Variants in SUGCT observed in about 807,000 individuals in gnomAD.
SUGCT encodes the protein succinyl-CoA:glutarate CoA-transferase.
A neutral mutation model predicts 55.0 loss-of-function variants in SUGCT; 41 were observed. That is an observed-to-expected ratio of 0.74 (90% CI 0.58 to 0.97). The LOEUF is 0.97. Among genes scored for constraint, SUGCT ranks in the 50% least tolerant of loss-of-function variants. SUGCT has a pLI of 0.00. For missense variants in SUGCT, 568 were observed against 547.8 expected (o/e 1.04, Z -0.37); for synonymous variants, 187 against 200.4 (o/e 0.93, Z 0.56).
intron 13 of SUGCT, among the ~76,000 whole-genome samples, chr7:40,788,466 C>T (rs1267999378): frequency 6.6e-6 from 1 of 152,142 alleles, no homozygotes; most frequent in East Asian, 1.9e-4. Flanking sequence ...ATAAAAGCTT[C>T]AAAAGCAGTT....
intron 12 of SUGCT, among the ~76,000 whole-genome samples, chr7:40,534,508 C>A (rs765501271): frequency 1.1e-4 from 16 of 152,130 alleles, no homozygotes; most frequent in African/African-American, 3.9e-4. Context: ...CTCAGCCTCA[C>A]GAGTAGCTGG....
intron 1 of SUGCT, among the ~76,000 whole-genome samples, chr7:40,179,282 T>C (rs1213076219): frequency 6.6e-6 from 1 of 152,124 alleles, no homozygotes; most frequent in Non-Finnish European, 1.5e-5. Context: ...TGTGGGTTGA[T>C]TGGGCAATTC....
intron 12 of SUGCT, among the ~76,000 whole-genome samples, chr7:40,513,858 C>T (rs541714209): frequency 1.7e-4 from 24 of 141,252 alleles, no homozygotes; most frequent in Middle Eastern, 4.5e-3. Context: ...GGCGCGATCT[C>T]GGCTCACTGC....
intron 9 of SUGCT, among the ~76,000 whole-genome samples, chr7:40,352,247 TTGTG>T (rs1163093942): frequency 1.3e-5 from 2 of 152,180 alleles, no homozygotes; most frequent in East Asian, 3.8e-4. Flanking sequence ...ATTTGTGTGT[TTGTG>T]TGTGTATATT....
At chr7:40,476,038 C>G (rs557606556) in intron 11 of SUGCT, among the ~76,000 whole-genome samples, 3 of 152,166 alleles carry the variant, frequency 2.0e-5, no homozygotes, top group African/African-American at 7.2e-5. Flanking sequence ...CGTACTGTCT[C>G]AGTTCTAATC....
chr7:40,721,810 C>T (rs1413115683), intron 12 of SUGCT, among the ~76,000 whole-genome samples: 2 of 152,180 alleles, frequency 1.3e-5, no homozygotes, highest in Non-Finnish European at 2.9e-5. Context: ...TCTGTTTATG[C>T]ATATGTGTAC....
intron 9 of SUGCT, among the ~76,000 whole-genome samples, chr7:40,440,035 T>A (rs1788418231): frequency 6.6e-6 from 1 of 151,886 alleles, no homozygotes; most frequent in Non-Finnish European, 1.5e-5. Flanking sequence ...TTAACTCCCT[T>A]TTTTTCCTAC....
intron 12 of SUGCT, chr7:40,538,350 A>G (rs1020213008): frequency 6.6e-6 from 1 of 152,220 alleles, no homozygotes; most frequent in Non-Finnish European, 1.5e-5. Flanking sequence ...AATAGGAAAT[A>G]AATGTCCTGG....
At chr7:40,209,450 C>A (rs2150787770) in intron 6 of SUGCT, among the ~76,000 whole-genome samples, 2 of 152,066 alleles carry the variant, frequency 1.3e-5, no homozygotes, top group Middle Eastern at 6.8e-3. Flanking sequence ...GAGCCCAGAT[C>A]TCGTCATTGC....
chr7:40,726,276 T>C (rs1263737117), intron 12 of SUGCT, among the ~76,000 whole-genome samples: 1 of 152,096 alleles, frequency 6.6e-6, no homozygotes, highest in East Asian at 1.9e-4. Context: ...ATGTATTATA[T>C]ACTGTATTCT....
intron 12 of SUGCT, among the ~76,000 whole-genome samples, chr7:40,533,639 A>G (rs1794206612): frequency 6.6e-6 from 1 of 152,160 alleles, no homozygotes; most frequent in Non-Finnish European, 1.5e-5. Flanking sequence ...ATAACTTAGC[A>G]TATAACCAAA....
intron 12 of SUGCT, among the ~76,000 whole-genome samples, chr7:40,530,569 A>T (rs1562840821): frequency 1.3e-5 from 2 of 152,200 alleles, no homozygotes; most frequent in Non-Finnish European, 2.9e-5. Flanking sequence ...CTAACTTAAT[A>T]CAAACAAGAT....
At chr7:40,443,408 C>T (rs1788627376) in intron 9 of SUGCT, among the ~76,000 whole-genome samples, 1 of 152,124 alleles carries the variant, frequency 6.6e-6, no homozygotes, top group African/African-American at 2.4e-5. Flanking sequence ...TTTTAATGAT[C>T]ACCATTCTAA....
At chr7:40,693,727 A>G (rs1584285708) in intron 12 of SUGCT, among the ~76,000 whole-genome samples, 1 of 152,222 alleles carries the variant, frequency 6.6e-6, no homozygotes, top group Non-Finnish European at 1.5e-5. Context: ...ATTCCTCAGT[A>G]TTAGAATTTT....
intron 7 of SUGCT, among the ~76,000 whole-genome samples, chr7:40,241,129 A>G (rs2150889263): frequency 6.6e-6 from 1 of 152,356 alleles, no homozygotes; most frequent in South Asian, 2.1e-4. Context: ...ATATGCAAAT[A>G]TATTTTTAGT....
the SUGCT span, among the ~76,000 whole-genome samples, chr7:40,944,239 A>C: frequency 1.3e-5 from 2 of 151,650 alleles, no homozygotes; most frequent in Non-Finnish European, 2.9e-5. Flanking sequence ...TTGCCTGTTC[A>C]CTCTGATGGT....
chr7:40,555,401 T>G (rs1162919170), intron 12 of SUGCT, among the ~76,000 whole-genome samples: 2 of 152,064 alleles, frequency 1.3e-5, no homozygotes, highest in Admixed American at 1.3e-4. Context: ...CTTCATCTAG[T>G]CTAAACTCCC....
chr7:40,795,191 C>T (rs886079366), intron 13 of SUGCT, among the ~76,000 whole-genome samples: 1 of 151,284 alleles, frequency 6.6e-6, no homozygotes, highest in Non-Finnish European at 1.5e-5. Flanking sequence ...CCCTGTCTTC[C>T]CAGAGGTGCA....
chr7:41,009,117 G>A, the SUGCT span, among the ~76,000 whole-genome samples: 1 of 151,562 alleles, frequency 6.6e-6, no homozygotes, highest in Non-Finnish European at 1.5e-5. Context: ...GGAAAGCTGA[G>A]GTGAGAGAAT....
Sources: allele counts gnomAD v4.1 joint callset (sites outside exome capture counted in the v4.1 genomes callset), GRCh38; gene constraint gnomAD v4.1.1; transcripts MANE v1.5; gene names NCBI Gene and HGNC (gene_info 2026-07-23, HGNC 2026-07-21).